Variants in CSMD3 observed in about 807,000 individuals in gnomAD.
CSMD3 encodes CUB and Sushi multiple domains 3, also known as CUB and sushi domain-containing protein 3.
A neutral mutation model predicts 435.2 loss-of-function variants in CSMD3; 177 were observed. The ratio of observed to expected loss-of-function variants is 0.41; its 90% CI spans 0.36 to 0.46. The LOEUF is 0.46. CSMD3 is among the 20% of genes least tolerant of loss of function. The pLI, the probability that CSMD3 is intolerant of heterozygous loss-of-function variation, is 0.34. For missense variants in CSMD3, 4,265 were observed against 4,504.6 expected (o/e 0.95, Z 1.52); for synonymous variants, 1,656 against 1,520.5 (o/e 1.09, Z -2.07).
intron 49 of CSMD3, among the ~76,000 whole-genome samples, chr8:112,313,202 A>C (rs1220348739): frequency 6.6e-6 from 1 of 152,192 alleles, no homozygotes; most frequent in Non-Finnish European, 1.5e-5. Context: ...AGGAAGACAT[A>C]ATAGAAAAAT....
At chr8:112,486,623 C>A (rs1474336096) in intron 31 of CSMD3, among the ~76,000 whole-genome samples, 1 of 152,084 alleles carries the variant, frequency 6.6e-6, no homozygotes, top group Non-Finnish European at 1.5e-5. Context: ...ATATGCTGAA[C>A]CCTAGTTGTG....
intron 11 of CSMD3, among the ~76,000 whole-genome samples, chr8:112,851,183 G>A (rs866361422): frequency 6.6e-6 from 1 of 152,086 alleles, no homozygotes; most frequent in African/African-American, 2.4e-5. Context: ...GCATACCACT[G>A]TATGAGATCT....
At chr8:112,510,412 TC>T (rs1276211839) in intron 28 of CSMD3, among the ~76,000 whole-genome samples, 1 of 152,206 alleles carries the variant, frequency 6.6e-6, no homozygotes, top group African/African-American at 2.4e-5. Context: ...TGCTTATATT[TC>T]CTTGTTCTTC....
At chr8:113,207,002 A>AAATG (rs2092778261) in intron 3 of CSMD3, among the ~76,000 whole-genome samples, 1 of 152,144 alleles carries the variant, frequency 6.6e-6, no homozygotes, top group South Asian at 2.1e-4. Context: ...GGCACGGTAA[A>AAATG]AATGCAGGCT....
At chr8:113,077,204 T>G (rs1032888230) in intron 5 of CSMD3, among the ~76,000 whole-genome samples, 7 of 152,092 alleles carry the variant, frequency 4.6e-5, no homozygotes, top group African/African-American at 9.7e-5. Flanking sequence ...CATACTATAG[T>G]TATTCAAAAA....
intron 6 of CSMD3, among the ~76,000 whole-genome samples, chr8:113,003,245 C>CAA (rs201734838): frequency 2.0e-5 from 3 of 151,632 alleles, no homozygotes; most frequent in Non-Finnish European, 2.9e-5. Context: ...AATTCTGTCT[C>CAA]AAAAAATAAA....
rs550239468 is a variant in CSMD3 at position 112,707,486 on chromosome 8, G to C, written c.1973-17436C>G. On this transcript the variant is annotated intron_variant, in intron 13 of 70. Coordinates refer to ENST00000297405, the MANE Select transcript of CSMD3 (RefSeq NM_198123.2). ...GGTGGTAGTGGTGGTGGTGCGGCGG[G>C]AGGGGGGTGGTTCCTAGATGAATGG... Among the ~76,000 whole-genome samples, 69 of 150,832 alleles carry C rather than the reference G, an allele frequency of 4.6e-4. 1 individual carries two copies. Among genetic ancestry groups the C allele is most frequent in the Non-Finnish European group, 5.8e-4 (39 of 67,656 alleles).
chr8:113,172,046 CA>C (rs1240498660), intron 4 of CSMD3, among the ~76,000 whole-genome samples: 1 of 152,090 alleles, frequency 6.6e-6, no homozygotes, highest in Admixed American at 6.6e-5. Context: ...CTCTTCATGC[CA>C]TTCTATGAGA....
At chr8:112,443,619 A>G (rs1815282121) in intron 32 of CSMD3, among the ~76,000 whole-genome samples, 1 of 152,146 alleles carries the variant, frequency 6.6e-6, no homozygotes, top group African/African-American at 2.4e-5. Flanking sequence ...TGTTTATAAA[A>G]GAAGGGAAAA....
chr8:113,138,620 G>T (rs1435577197), intron 4 of CSMD3, among the ~76,000 whole-genome samples: 3 of 151,260 alleles, frequency 2.0e-5, no homozygotes, highest in Non-Finnish European at 3.0e-5. Context: ...TTGGATAAAA[G>T]ACCTGAAAGA....
At chr8:112,392,314 CA>C (rs1200157495) in intron 35 of CSMD3, among the ~76,000 whole-genome samples, 4,201 of 83,960 alleles carry the variant, frequency 0.05, 45 homozygotes, top group East Asian at 0.083. Flanking sequence ...GGCAATTACT[CA>C]AAAAAAAAAA....
At chr8:112,295,701 A>G in intron 54 of CSMD3, 132 bp downstream of exon 54, 1 of 760,532 alleles carries the variant, frequency 1.3e-6, no homozygotes, top group Admixed American at 2.1e-5. Context: ...TAGCAGTATC[A>G]AATTGGATTG....
intron 20 of CSMD3, among the ~76,000 whole-genome samples, chr8:112,642,588 T>C (rs1416527398): frequency 2.6e-5 from 4 of 152,186 alleles, no homozygotes; most frequent in East Asian, 1.9e-4. Flanking sequence ...ATCATAGTTA[T>C]ATAAGAACAT....
At chr8:113,238,052 G>A (rs554823053) in intron 3 of CSMD3, among the ~76,000 whole-genome samples, 2 of 143,720 alleles carry the variant, frequency 1.4e-5, no homozygotes, top group South Asian at 2.2e-4. Context: ...TCCAGCCTGG[G>A]CAACAGAACA....
intron 36 of CSMD3, among the ~76,000 whole-genome samples, chr8:112,387,402 T>G (rs1830066991): frequency 6.6e-6 from 1 of 151,842 alleles, no homozygotes; most frequent in East Asian, 1.9e-4. Context: ...GCTTTAAACC[T>G]AGGGTAGTAG....
intron 13 of CSMD3, among the ~76,000 whole-genome samples, chr8:112,772,458 C>T (rs904388284): frequency 1.3e-5 from 2 of 152,056 alleles, no homozygotes; most frequent in Non-Finnish European, 2.9e-5. Context: ...CGCAGAGACA[C>T]AAAACACTGC....
At position 112,689,889 on chromosome 8, in the gene CSMD3, C is replaced by A; in HGVS notation, c.2134G>T (p.Ala712Ser). ...IVCQENNQWS[A>S]NIPICIFPCL... ...TCACAGATACAGATGGGTATGTTTG[C>A]AGACCATTGGTTATTCTCTTGACAA... The change falls in exon 14 of 71, where the codon GCA becomes TCA. Residue 712 changes from alanine (A) to serine (S), a missense_variant. By Grantham distance (99) the Ala-to-Ser change is moderately conservative. Coordinates refer to ENST00000297405, the MANE Select transcript of CSMD3 (RefSeq NM_198123.2). The A allele has an allele frequency of 6.2e-7, 1 of 1,613,170 alleles. No individual in the cohort carries two copies. The highest frequency in any genetic ancestry group is 2.2e-5 in the East Asian group (1 of 44,798).
chr8:112,254,700 T>C (rs1225153263), intron 62 of CSMD3, among the ~76,000 whole-genome samples: 1 of 152,094 alleles, frequency 6.6e-6, no homozygotes, highest in Non-Finnish European at 1.5e-5. Flanking sequence ...GTAATATTTC[T>C]TTGAAGAAAT....
intron 1 of CSMD3, among the ~76,000 whole-genome samples, chr8:113,399,783 T>C (rs1277933072): frequency 1.3e-5 from 2 of 151,968 alleles, no homozygotes; most frequent in African/African-American, 4.8e-5. Context: ...GATACTGAAT[T>C]GTGCATTTTA....
Sources: gnomAD v4.1 joint callset for allele counts (sites outside exome capture counted in the v4.1 genomes callset) on GRCh38, gnomAD v4.1.1 for gene constraint, MANE v1.5 for transcripts, NCBI Gene and HGNC (gene_info 2026-07-23, HGNC 2026-07-21) for gene names.